IGSF21: variants seen among roughly 807,000 people sequenced by gnomAD.
IGSF21 encodes immunoglobulin superfamily member 21.
Under a neutral mutation model 46.8 loss-of-function variants are expected in IGSF21, and 28 were observed. That is an observed-to-expected ratio of 0.60 (90% confidence interval 0.44 to 0.82). The LOEUF (loss-of-function observed/expected upper bound fraction) is 0.82, where lower values mean the gene tolerates loss of function less well. Ranked by LOEUF, IGSF21 falls within the 40% of genes least tolerant of loss-of-function variation. The pLI, the probability that IGSF21 is intolerant of heterozygous loss-of-function variation, is 0.00. For missense variants in IGSF21, 624 were observed against 665.5 expected, an observed-to-expected ratio of 0.94 and a Z score of 0.69; for synonymous variants, 284 against 273.6, an observed-to-expected ratio of 1.04 and a Z score of -0.38.
intron 1 of IGSF21, among the ~76,000 whole-genome samples, chr1:18,148,958 C>T (rs1164301620): frequency 6.6e-6 from 1 of 152,180 alleles, no homozygotes; most frequent in Non-Finnish European, 1.5e-5. Flanking sequence ...GAGCATAAAC[C>T]CAGTGCTTGA....
chr1:18,125,967 C>A (rs1214577230), intron 1 of IGSF21, among the ~76,000 whole-genome samples: 2 of 152,162 alleles, frequency 1.3e-5, no homozygotes, highest in African/African-American at 4.8e-5. Context: ...GCCAGGATAA[C>A]CCAGTTAGTA....
At chr1:18,163,013 A>G (rs1017158184) in intron 1 of IGSF21, among the ~76,000 whole-genome samples, 1 of 152,138 alleles carries the variant, frequency 6.6e-6, no homozygotes, top group Admixed American at 6.5e-5. Flanking sequence ...GGAGTTGGCC[A>G]TGCAGGATTT....
Position 18,109,140 on chromosome 1 carries a change from C to T in IGSF21, c.70+942C>T, listed in dbSNP as rs943379411. On this transcript the variant is annotated intron_variant, in intron 1 of 9. Coordinates refer to ENST00000251296, the MANE Select transcript of IGSF21 (RefSeq NM_032880.5). This position sits in a 1 kb window ranked among gnomAD's most constrained non-coding sequence, Gnocchi z 4.8. ...CCAGGGTCCGCGGCCGGCCTCCCAC[C>T]CAGTGCCGCCGCGTAGTGGGTCTTA... Among the ~76,000 whole-genome samples, 54 of 151,904 alleles carry T rather than the reference C, an allele frequency of 3.6e-4. No individual in the cohort carries two copies. Among genetic ancestry groups the T allele is most frequent in the African/African-American group, 1.2e-3 (51 of 41,366 alleles).
Position 18,334,647 on chromosome 1 carries a change from A to G in IGSF21, c.306-245A>G, listed in dbSNP as rs373689762. ...AGCCAACAGGCTAAATAACTGCTCC[A>G]GGACCCACTGAGCACAAATTGGGCT... On this transcript the variant is annotated intron_variant, in intron 3 of 9. Coordinates refer to ENST00000251296, the MANE Select transcript of IGSF21 (RefSeq NM_032880.5). This position sits in a 1 kb window ranked among gnomAD's most constrained non-coding sequence, Gnocchi z 4.3. Among the ~76,000 whole-genome samples the G allele has an allele frequency of 1.3e-3, 192 of 152,320 alleles. No homozygotes were observed. The highest frequency in any genetic ancestry group is 4.4e-3 in the African/African-American group (184 of 41,580).
At chr1:18,344,877 C>T (rs1470392470) in intron 4 of IGSF21, among the ~76,000 whole-genome samples, 2 of 152,118 alleles carry the variant, frequency 1.3e-5, no homozygotes, top group Non-Finnish European at 2.9e-5. Flanking sequence ...TGGCTCCAGG[C>T]GATTACTGTG....
chr1:18,180,261 C>T (rs188902037), intron 1 of IGSF21, among the ~76,000 whole-genome samples: 5 of 152,198 alleles, frequency 3.3e-5, no homozygotes, highest in African/African-American at 1.2e-4. Flanking sequence ...TCTTTGTGCA[C>T]TTAGCATCTA....
chr1:18,145,224 G>T (rs1357417235), intron 1 of IGSF21, among the ~76,000 whole-genome samples: 1 of 151,710 alleles, frequency 6.6e-6, no homozygotes, highest in South Asian at 2.1e-4. Context: ...AGTTATCCTC[G>T]GAGTCATTTT....
At position 18,337,013 on chromosome 1, in the gene IGSF21, C is replaced by T. The variant is rs978035887; in HGVS notation, c.424+2003C>T. 2.0e-5 allele frequency among the ~76,000 whole-genome samples: 3 copies of T among 152,222 alleles called. No individual in the cohort carries two copies. Among genetic ancestry groups the T allele is most frequent in the Admixed American group, 1.3e-4 (2 of 15,274 alleles). On this transcript the variant is annotated intron_variant, in intron 4 of 9. Transcript: ENST00000251296. This position sits in a 1 kb window ranked among gnomAD's most constrained non-coding sequence, Gnocchi z 5.7. ...ACCCCTATGATTCAGTTATCTCCCA[C>T]TAGGTCCCTCCTACAACACATGGGA...
At chr1:18,333,800 C>T (rs1021612074) in intron 3 of IGSF21, among the ~76,000 whole-genome samples, 1 of 152,146 alleles carries the variant, frequency 6.6e-6, no homozygotes, top group Non-Finnish European at 1.5e-5. Flanking sequence ...GAACAGGAGC[C>T]ATCCAACTAC....
At chr1:18,332,821 G>T (rs2085728096) in intron 3 of IGSF21, among the ~76,000 whole-genome samples, 1 of 152,234 alleles carries the variant, frequency 6.6e-6, no homozygotes, top group South Asian at 2.1e-4. Flanking sequence ...GCTAATGTGT[G>T]CTGGGTGGTG....
rs371593868 is a variant in IGSF21 at position 18,149,722 on chromosome 1, G to A, written c.70+41524G>A. Among the ~76,000 whole-genome samples, 390 of 152,092 alleles carry A rather than the reference G, an allele frequency of 2.6e-3. 2 individuals are homozygous for A. Among genetic ancestry groups the A allele is most frequent in the South Asian group, 0.024 (115 of 4,808 alleles). ...GGGGCAGGATCAGCCTGGCTTCACTGATCCATCTCTAGACTCTGGCTCCAT... is the reference window on the plus strand; with the variant it reads ...GGGGCAGGATCAGCCTGGCTTCACTAATCCATCTCTAGACTCTGGCTCCAT... On this transcript the variant is annotated intron_variant, in intron 1 of 9. Transcript: ENST00000251296.
intron 2 of IGSF21, among the ~76,000 whole-genome samples, chr1:18,288,901 GCCCTGACACAGC>G (rs1325710486): frequency 6.6e-6 from 1 of 152,202 alleles, no homozygotes; most frequent in Non-Finnish European, 1.5e-5. Flanking sequence ...TGACAGTGAG[GCCCTGACACAGC>G]CCCAGAGAAA....
At chr1:18,152,945 T>C (rs1030664560) in intron 1 of IGSF21, among the ~76,000 whole-genome samples, 1 of 152,158 alleles carries the variant, frequency 6.6e-6, no homozygotes, top group Admixed American at 6.5e-5. Flanking sequence ...CAGGTGAGGA[T>C]AGAAGAGATA....
chr1:18,210,800 T>TC (rs1436694294), intron 1 of IGSF21, among the ~76,000 whole-genome samples: 3 of 152,150 alleles, frequency 2.0e-5, no homozygotes, highest in Non-Finnish European at 4.4e-5. Flanking sequence ...TTGCCAAGTG[T>TC]CCCCTGGGGG....
At chr1:18,264,354 A>ACAACTCCTGGCATAGAGTAAGTGCC (rs1553158825) in intron 2 of IGSF21, among the ~76,000 whole-genome samples, 5 of 152,208 alleles carry the variant, frequency 3.3e-5, no homozygotes, top group Admixed American at 3.3e-4. Context: ...GGCATATAGA[A>ACAACTCCTGGCATAGAGTAAGTGCC]CAACTCCTGG....
At chr1:18,255,549 C>A (rs2084884181) in intron 2 of IGSF21, among the ~76,000 whole-genome samples, 1 of 152,084 alleles carries the variant, frequency 6.6e-6, no homozygotes, top group Non-Finnish European at 1.5e-5. Flanking sequence ...TTCCACACTC[C>A]TCACTCTCAT....
intron 3 of IGSF21, among the ~76,000 whole-genome samples, chr1:18,317,423 T>G (rs2085554200): frequency 1.3e-5 from 2 of 152,290 alleles, no homozygotes. Context: ...TGACCCCAAG[T>G]CTGTTGGATG....
chr1:18,278,530 T>TG (rs1418476149), intron 2 of IGSF21, among the ~76,000 whole-genome samples: 12 of 142,114 alleles, frequency 8.4e-5, no homozygotes, highest in East Asian at 2.1e-4. Context: ...TGTAAGGTTT[T>TG]TTTTGTTTGT....
chr1:18,150,235 A>G (rs191192461), intron 1 of IGSF21, among the ~76,000 whole-genome samples: 2 of 152,320 alleles, frequency 1.3e-5, no homozygotes, highest in East Asian at 3.9e-4. Flanking sequence ...TCTGGGTGAC[A>G]GAGTGAAAGA....
Sources: allele counts gnomAD v4.1 joint callset (sites outside exome capture counted in the v4.1 genomes callset), GRCh38; gene constraint gnomAD v4.1.1; non-coding constraint Gnocchi (gnomAD v3.1); transcripts MANE v1.5; gene names NCBI Gene and HGNC (gene_info 2026-07-23, HGNC 2026-07-21).